Variants in TCF3 observed in about 807,000 individuals in gnomAD.
TCF3 encodes the protein transcription factor 3.
TCF3 carries 54 observed loss-of-function variants against 72.3 expected under a neutral mutation model. The ratio of observed to expected loss-of-function variants is 0.75; its 90% CI spans 0.60 to 0.94. The LOEUF (loss-of-function observed/expected upper bound fraction) is 0.94. Among genes scored for constraint, TCF3 ranks in the 40% least tolerant of loss-of-function variants. The pLI is 0.00. For synonymous variants in TCF3, 525 were observed against 412.6 expected, an observed-to-expected ratio of 1.27 and a Z score of -3.30; for missense variants, 1,078 against 934.4, an observed-to-expected ratio of 1.15 and a Z score of -2.00.
intron 3 of TCF3, among the ~76,000 whole-genome samples, chr19:1,636,280 C>G (rs1484378258): frequency 6.6e-6 from 1 of 152,170 alleles, no homozygotes; most frequent in Non-Finnish European, 1.5e-5. Context: ...CCGCCTCAGC[C>G]TCCCACGTAG....
chr19:1,650,965 G>GAA, intron 1 of TCF3: 7 of 203,000 alleles, frequency 3.4e-5, no homozygotes, highest in East Asian at 7.5e-5. Flanking sequence ...ATTCAGGAAA[G>GAA]AAAAAAAAAA....
Position 1,611,561 on chromosome 19 carries a change from CG to C in TCF3, c.*145del. ...GTCACCTTGGCCGCCCCCATCACTC[CG>C]AACCTTGTCAGGTTGGTGTTGGCTC... is the stretch of plus-strand genomic sequence containing the variant. On this transcript the variant is annotated 3_prime_UTR_variant, in exon 19 of 19. Coordinates refer to ENST00000262965, the MANE Select transcript of TCF3 (RefSeq NM_003200.5). 3.3e-6 allele frequency: 4 copies of C among 1,222,986 alleles called. No homozygotes were observed. The highest frequency in any genetic ancestry group is 4.4e-6 in the Non-Finnish European group (4 of 904,114). 75.8% of individuals were successfully genotyped at this position (1,222,986 alleles called of 1,614,324 possible). A position where few individuals can be genotyped will look rare whatever the true frequency, so the allele number is the denominator to read the frequency against.
intron 3 of TCF3, among the ~76,000 whole-genome samples, chr19:1,637,770 G>A (rs1266823589): frequency 3.3e-5 from 5 of 152,170 alleles, no homozygotes; most frequent in African/African-American, 9.6e-5. Flanking sequence ...TTAGCTGGGC[G>A]TGGTGGTGGG....
chr19:1,623,742 G>A (rs1471287902), intron 8 of TCF3, among the ~76,000 whole-genome samples: 3 of 152,152 alleles, frequency 2.0e-5, no homozygotes, highest in East Asian at 1.9e-4. Context: ...CTCAAAACAA[G>A]ACAGACAGAG....
chr19:1,652,593 T>C lies in TCF3; in HGVS notation c.-333A>G, dbSNP rs1287838922. 4 of 146,610 alleles carry C rather than the reference T, an allele frequency of 2.7e-5. No homozygotes were observed. The highest frequency in any genetic ancestry group is 5.0e-5 in the African/African-American group (2 of 40,320). 9.1% of individuals were successfully genotyped at this position (146,610 alleles called of 1,614,324 possible). On this transcript the variant is annotated 5_prime_UTR_variant, in exon 1 of 19. Transcript: ENST00000262965. ...CGCAGCCGCCGCCGCTGCCTCATCT[T>C]CCTGCGGCGGGAGACATGTTCCGCC...
intron 3 of TCF3, among the ~76,000 whole-genome samples, chr19:1,644,235 G>C (rs933570108): frequency 6.6e-6 from 1 of 152,216 alleles, no homozygotes; most frequent in African/African-American, 2.4e-5. Flanking sequence ...CCCATCTTGC[G>C]GGAGCTTCGG....
intron 18 of TCF3, chr19:1,612,194 C>T: frequency 6.4e-7 from 1 of 1,563,990 alleles, no homozygotes; most frequent in Non-Finnish European, 8.7e-7. Flanking sequence ...GCAGCCCTGG[C>T]CGGGGAGCCT....
Position 1,615,721 on chromosome 19 carries a change from C to T in TCF3, c.1551G>A (p.Glu517=). ...CCCGGGGGGCCTTCAGCTCCTTCTT[C>T]TCCTCCTCCGAGTGGTCAGCCGCTG... ...NTSAADHSEE[E]KKELKAPRAR... The change falls in exon 17 of 19, where the codon GAG becomes GAA. Residue 517 remains glutamate, a synonymous_variant. Coordinates refer to ENST00000262965, the MANE Select transcript of TCF3 (RefSeq NM_003200.5). The surrounding 1 kb of genome is among the most constrained non-coding windows in gnomAD (Gnocchi z 7.3). The T allele has an allele frequency of 6.2e-7, 1 of 1,613,426 alleles. No homozygotes were observed. Among genetic ancestry groups the T allele is most frequent in the Non-Finnish European group, 8.5e-7 (1 of 1,179,596 alleles).
intron 3 of TCF3, among the ~76,000 whole-genome samples, chr19:1,637,692 G>A (rs1025392779): frequency 6.6e-6 from 1 of 152,128 alleles, no homozygotes; most frequent in African/African-American, 2.4e-5. Context: ...GGCGGATCAC[G>A]AGGTCCAGAA....
chr19:1,621,851 G>C lies in TCF3; in HGVS notation c.942C>G (p.Ala314=), dbSNP rs764487733. 1.4e-5 allele frequency: 22 copies of C among 1,590,402 alleles called. No individual in the cohort carries two copies. Among genetic ancestry groups the C allele is most frequent in the Admixed American group, 3.6e-5 (2 of 56,094 alleles). ...VSSHTPPVSG[A]DSLLGSRGTT... Reference sequence around the variant, plus strand: ...GAGGGGCCATACCCAGGAGGCTGTCGGCCCCGCTGACAGGCGGCGTGTGGC... The same window carrying C: ...GAGGGGCCATACCCAGGAGGCTGTCCGCCCCGCTGACAGGCGGCGTGTGGC... Residue 314 remains alanine, a synonymous_variant, in exon 11 of 19, where the codon GCC becomes GCG. Transcript: ENST00000262965.
chr19:1,620,058 C>T (rs181804564), intron 13 of TCF3, among the ~76,000 whole-genome samples: 3 of 152,298 alleles, frequency 2.0e-5, no homozygotes, highest in Admixed American at 2.0e-4. Context: ...TACTGCCATT[C>T]CTATCTCTGA....
chr19:1,651,570 G>A (rs1028181872), intron 1 of TCF3, among the ~76,000 whole-genome samples: 2 of 152,208 alleles, frequency 1.3e-5, no homozygotes, highest in African/African-American at 2.4e-5. Flanking sequence ...GAAGACTTCT[G>A]GGGCGTCCCA....
In TCF3 at chr19:1,615,033, T is replaced by C. The variant is rs1011395859; in HGVS notation, c.1822+252A>G. Among the ~76,000 whole-genome samples the C allele has an allele frequency of 3.9e-5, 6 of 152,002 alleles. No individual in the cohort carries two copies. In the East Asian group the frequency reaches 9.7e-4, roughly 25 times the overall value. ...GCCACAGAGCCCAGGCCTGAAGGAC[T>C]AGGGGTCCAGAAAGAGTCCAGTCCT... On this transcript the variant is annotated intron_variant, in intron 18 of 18. Coordinates refer to ENST00000262965, the MANE Select transcript of TCF3 (RefSeq NM_003200.5). This position sits in a 1 kb window ranked among gnomAD's most constrained non-coding sequence, Gnocchi z 7.3.
At chr19:1,644,950 C>T (rs1013142093) in intron 3 of TCF3, among the ~76,000 whole-genome samples, 1 of 152,128 alleles carries the variant, frequency 6.6e-6, no homozygotes, top group Non-Finnish European at 1.5e-5. Context: ...TTAGCATGTC[C>T]GGTTCCTGGG....
At position 1,615,947 on chromosome 19, in the gene TCF3, CA is replaced by C. The variant is rs199689053; in HGVS notation, c.1451-127del. On this transcript the variant is annotated intron_variant, in intron 16 of 18. Coordinates refer to ENST00000262965, the MANE Select transcript of TCF3 (RefSeq NM_003200.5). The surrounding 1 kb of genome is among the most constrained non-coding windows in gnomAD (Gnocchi z 7.3). ...ACCAGGTCTTGGCCAAAAATAAAAA[CA>C]AAAAACCAACAACCAGAACTGGATC... 1,487 of 1,219,516 alleles carry C rather than the reference CA, an allele frequency of 1.2e-3. 17 individuals are homozygous for C. The African/African-American group carries it at 0.02, about 17-fold the overall frequency. The allele number at this position is 1,219,516 out of a possible 1,614,324, so 75.5% of individuals were successfully genotyped here. A position where few individuals can be genotyped will look rare whatever the true frequency, so the allele number is the denominator to read the frequency against.
intron 11 of TCF3, among the ~76,000 whole-genome samples, chr19:1,621,470 C>T (rs2062200853): frequency 6.6e-6 from 1 of 151,780 alleles, no homozygotes; most frequent in Non-Finnish European, 1.5e-5. Flanking sequence ...CCTCTCTGGG[C>T]CTGGGTAACT....
At chr19:1,644,588 G>T (rs915743447) in intron 3 of TCF3, among the ~76,000 whole-genome samples, 1 of 152,360 alleles carries the variant, frequency 6.6e-6, no homozygotes, top group East Asian at 1.9e-4. Flanking sequence ...CACAGGGCGA[G>T]ACTCTGTGGG....
At position 1,612,232 on chromosome 19, in the gene TCF3, G is replaced by A. The variant is rs767432302; in HGVS notation, c.1823-383C>T. The A allele has an allele frequency of 1.3e-5, 21 of 1,597,254 alleles. No homozygotes were observed. Among genetic ancestry groups the A allele is most frequent in the Admixed American group, 1.7e-5 (1 of 59,348 alleles). Reference sequence around the variant, plus strand: ...CTCGCACCTGCTGCTCCAGCCCCAGGATGACCTGCACGGCCTGCTGCAGGA... The same window carrying A: ...CTCGCACCTGCTGCTCCAGCCCCAGAATGACCTGCACGGCCTGCTGCAGGA... On this transcript the variant is annotated intron_variant, in intron 18 of 18. Coordinates refer to ENST00000262965, the MANE Select transcript of TCF3 (RefSeq NM_003200.5).
chr19:1,622,365 G>A lies in TCF3; in HGVS notation c.600C>T (p.Tyr200=), dbSNP rs1454211271. ...TGCTGCTGGGGGTCTTGGCGGACGG[G>A]TAGGCGGTGGCATCCCTGCCGTAGT... The part of the protein sequence containing the change: ...GEDYGRDATA[Y]PSAKTPSSTY... Residue 200 remains tyrosine, a synonymous_variant, in exon 9 of 19, where the codon TAC becomes TAT. Coordinates refer to ENST00000262965, the MANE Select transcript of TCF3 (RefSeq NM_003200.5). The A allele has an allele frequency of 2.1e-6, 3 of 1,409,368 alleles. No individual in the cohort carries two copies. The highest frequency in any genetic ancestry group is 1.3e-5 in the South Asian group (1 of 76,868). 87.3% of individuals were successfully genotyped at this position (1,409,368 alleles called of 1,614,324 possible).
Sources: allele counts gnomAD v4.1 joint callset (sites outside exome capture counted in the v4.1 genomes callset), GRCh38; gene constraint gnomAD v4.1.1; non-coding constraint Gnocchi (gnomAD v3.1); transcripts MANE v1.5; gene names NCBI Gene and HGNC (gene_info 2026-07-23, HGNC 2026-07-21).